The following USP2 variants were observed in gnomAD, a reference collection of about 807,000 sequenced individuals.
USP2 encodes the protein ubiquitin specific peptidase 2, also known as ubiquitin carboxyl-terminal hydrolase 2.
In USP2, 33 loss-of-function variants were observed where a neutral mutation model predicts 72.0. That is an observed-to-expected ratio of 0.46 (90% confidence interval 0.35 to 0.61). The LOEUF (loss-of-function observed/expected upper bound fraction) is 0.61. USP2 is among the 20% of genes least tolerant of loss of function. The pLI is 0.01. For synonymous variants in USP2, 296 were observed against 312.5 expected (o/e 0.95, Z 0.56); for missense variants, 691 against 797.8 (o/e 0.87, Z 1.61).
At chr11:119,368,121 C>T (rs1950879365) in intron 2 of USP2, among the ~76,000 whole-genome samples, 2 of 152,216 alleles carry the variant, frequency 1.3e-5, no homozygotes, top group Non-Finnish European at 1.5e-5. Context: ...AGTCACAAAC[C>T]GCAAACCCAC....
intron 1 of USP2, among the ~76,000 whole-genome samples, chr11:119,375,829 C>T (rs1950993517): frequency 6.6e-6 from 1 of 152,208 alleles, no homozygotes; most frequent in Non-Finnish European, 1.5e-5. Flanking sequence ...CTTGACCCTG[C>T]TGATGACGCA....
Position 119,373,144 on chromosome 11 carries a change from A to T in USP2, c.337T>A (p.Phe113Ile). 6.2e-7 allele frequency: 1 copy of T among 1,614,120 alleles called. No homozygotes were observed. The highest frequency in any genetic ancestry group is 1.1e-5 in the South Asian group (1 of 91,084). ...LGSGLSGGSG[F>I]PYGVTNNCLS... ...CAGTTGTTGGTCACTCCATAAGGGA[A>T]TCCGCTGCCCCCGCTGAGGCCACTG... Residue 113 changes from phenylalanine (F) to isoleucine (I), a missense_variant, in exon 2 of 13, where the codon TTC becomes ATC. Phe to Ile is a conservative substitution (Grantham distance 21, BLOSUM62 0). Coordinates refer to ENST00000260187, the MANE Select transcript of USP2 (RefSeq NM_004205.5).
At chr11:119,369,021 T>C (rs1465471601) in intron 2 of USP2, among the ~76,000 whole-genome samples, 4 of 151,914 alleles carry the variant, frequency 2.6e-5, no homozygotes, top group African/African-American at 7.3e-5. Flanking sequence ...TGGGGCAGAG[T>C]AGGGAGATGA....
Position 119,359,360 on chromosome 11 carries a change from T to A in USP2, c.950-18A>T. 3.7e-6 allele frequency: 6 copies of A among 1,605,338 alleles called. No individual in the cohort carries two copies. Among genetic ancestry groups the A allele is most frequent in the Non-Finnish European group, 5.1e-6 (6 of 1,174,978 alleles). On this transcript the variant is annotated intron_variant, in intron 4 of 12. Coordinates refer to ENST00000260187, the MANE Select transcript of USP2 (RefSeq NM_004205.5). ...TGCAAACTCTATTGGAAGGAGAGAG[T>A]GTACAGGACAGCTGAGATATTTTCT...
At chr11:119,366,110 G>C (rs1346493070) in intron 2 of USP2, among the ~76,000 whole-genome samples, 1 of 152,110 alleles carries the variant, frequency 6.6e-6, no homozygotes, top group Non-Finnish European at 1.5e-5. Flanking sequence ...GGCCGAGCTG[G>C]TCATGAACTC....
chr11:119,379,917 CT>C (rs397816714), intron 1 of USP2, among the ~76,000 whole-genome samples: 7 of 116,546 alleles, frequency 6.0e-5, no homozygotes, highest in South Asian at 2.8e-4. Context: ...GTTCCTTTCT[CT>C]TTTTTTTTTT....
intron 2 of USP2, among the ~76,000 whole-genome samples, chr11:119,363,696 G>C (rs573176211): frequency 6.6e-6 from 1 of 151,678 alleles, no homozygotes; most frequent in South Asian, 2.1e-4. Context: ...CACCTGAGGA[G>C]GGGGCATTCC....
chr11:119,357,438 C>G lies in USP2; in HGVS notation c.1609+45G>C, dbSNP rs369391312. ...TCCTCCTGCCCTCCCTCCGGCCTTG[C>G]ACACCTGCGTCTTCATTCTGCCCTG... is the stretch of plus-strand genomic sequence containing the variant. On this transcript the variant is annotated intron_variant, in intron 11 of 12. Transcript: ENST00000260187. 18 of 1,612,994 alleles carry G rather than the reference C, an allele frequency of 1.1e-5. No individual in the cohort carries two copies. In the East Asian group the frequency reaches 3.8e-4, roughly 34 times the overall value.
At chr11:119,362,641 G>A (rs1305332895) in intron 2 of USP2, among the ~76,000 whole-genome samples, 1 of 152,164 alleles carries the variant, frequency 6.6e-6, no homozygotes, top group African/African-American at 2.4e-5. Flanking sequence ...GGAACAAAAT[G>A]TCCCCAGAGT....
At chr11:119,363,326 GA>G (rs1950793757) in intron 2 of USP2, among the ~76,000 whole-genome samples, 1 of 152,266 alleles carries the variant, frequency 6.6e-6, no homozygotes, top group African/African-American at 2.4e-5. Flanking sequence ...GAAAGAAGGG[GA>G]AGTTGCCCTC....
In USP2 at chr11:119,356,462, G is replaced by A. The variant is rs1478887205; in HGVS notation, c.*373C>T. ...GTCCAGGCGGTGATGCTCCCAGCGA[G>A]CTCCAGAGGGCGCTGTCCCCTCGGA... On this transcript the variant is annotated 3_prime_UTR_variant, in exon 13 of 13. Coordinates refer to ENST00000260187, the MANE Select transcript of USP2 (RefSeq NM_004205.5). The A allele has an allele frequency of 1.1e-5, 2 of 187,802 alleles. No individual in the cohort carries two copies. Among genetic ancestry groups the A allele is most frequent in the Non-Finnish European group, 2.2e-5 (2 of 90,854 alleles). The allele number at this position is 187,802 out of a possible 1,614,324, so 11.6% of individuals were successfully genotyped here.
Position 119,367,278 on chromosome 11 carries a change from G to A in USP2, c.774+5429C>T, listed in dbSNP as rs529775110. 2.5e-4 allele frequency among the ~76,000 whole-genome samples: 38 copies of A among 152,306 alleles called. 1 individual carries two copies. In the South Asian group the frequency reaches 7.2e-3, roughly 29 times the overall value. Reference sequence around the variant, plus strand: ...CTTGGCCTGCTTCCCTATAGGATAAGTAATTTTTGTCACCTTAAATCCTTC... The same window carrying A: ...CTTGGCCTGCTTCCCTATAGGATAAATAATTTTTGTCACCTTAAATCCTTC... On this transcript the variant is annotated intron_variant, in intron 2 of 12. Coordinates refer to ENST00000260187, the MANE Select transcript of USP2 (RefSeq NM_004205.5).
chr11:119,376,861 G>A (rs147956525), intron 1 of USP2, among the ~76,000 whole-genome samples: 43 of 152,356 alleles, frequency 2.8e-4, no homozygotes, highest in East Asian at 2.5e-3. Context: ...GCCATGTGAC[G>A]CATTCTTCTA....
chr11:119,360,311 T>G, intron 2 of USP2, 77 bp from the exon 3 acceptor site: 1 of 1,491,760 alleles, frequency 6.7e-7, no homozygotes, highest in Non-Finnish European at 9.3e-7. Flanking sequence ...GTGCAATTTC[T>G]AACCAGCTGG....
At chr11:119,364,316 G>T in intron 2 of USP2, 2 of 433,854 alleles carry the variant, frequency 4.6e-6, no homozygotes, top group South Asian at 9.7e-5. Context: ...CCGGCACGCG[G>T]ACCCGAACGA....
rs1450744790 is a variant in USP2, at chr11:119,356,892, G to C, written c.1761C>G (p.Arg587=). ...AGAAGAGCAGGTAGGCGTCGCTGGTGCGCACTTGGCTGGAGGACATGGGAG... is the reference window on the plus strand; with the variant it reads ...AGAAGAGCAGGTAGGCGTCGCTGGTCCGCACTTGGCTGGAGGACATGGGAG... ...SVTPMSSSQV[R]TSDAYLLFYE... Residue 587 remains arginine, a synonymous_variant, in exon 13 of 13, where the codon CGC becomes CGG. Coordinates refer to ENST00000260187, the MANE Select transcript of USP2 (RefSeq NM_004205.5). The C allele has an allele frequency of 6.4e-7, 1 of 1,564,280 alleles. No individual in the cohort carries two copies. The highest frequency in any genetic ancestry group is 1.3e-5 in the African/African-American group (1 of 74,130).
intron 2 of USP2, among the ~76,000 whole-genome samples, chr11:119,365,077 TAACAGGG>T (rs1290999044): frequency 1.3e-5 from 2 of 152,182 alleles, no homozygotes; most frequent in African/African-American, 4.8e-5. Context: ...CCCCTCCACC[TAACAGGG>T]AAGCTCACGA....
chr11:119,368,271 C>T (rs1367267675), intron 2 of USP2, among the ~76,000 whole-genome samples: 1 of 152,194 alleles, frequency 6.6e-6, no homozygotes, highest in Non-Finnish European at 1.5e-5. Flanking sequence ...GCTTAGTGAT[C>T]CCGGGGTGGG....
intron 2 of USP2, chr11:119,364,062 C>T: frequency 3.1e-6 from 4 of 1,278,780 alleles, no homozygotes; most frequent in Middle Eastern, 3.0e-4. Flanking sequence ...GGGGGAGTCC[C>T]CGCGCGGTGC....
Sources: gnomAD v4.1 joint callset for allele counts (sites outside exome capture counted in the v4.1 genomes callset) on GRCh38, gnomAD v4.1.1 for gene constraint, MANE v1.5 for transcripts, NCBI Gene and HGNC (gene_info 2026-07-23, HGNC 2026-07-21) for gene names.